Variants in PRR3 observed in about 807,000 individuals in gnomAD.
The protein encoded by PRR3 is proline rich 3.
PRR3 carries 16 observed loss-of-function variants against 22.4 expected under a neutral mutation model. The observed-to-expected ratio is 0.71, with a 90% CI of 0.48 to 1.09. The LOEUF is 1.09. Ranked by LOEUF, PRR3 falls within the 50% of genes least tolerant of loss-of-function variation. The pLI, the probability that PRR3 is intolerant of heterozygous loss-of-function variation, is 0.00. For synonymous variants in PRR3, 87 were observed against 88.6 expected, an observed-to-expected ratio of 0.98 and a Z score of 0.10; for missense variants, 224 against 243.4, an observed-to-expected ratio of 0.92 and a Z score of 0.53.
rs1472484315 is a variant in PRR3 at position 30,563,366 on chromosome 6, T to C, written c.*871T>C. On this transcript the variant is annotated 3_prime_UTR_variant, in exon 4 of 4. Transcript: ENST00000376560. ...TCTTATAAAGCCTCCAATGGCTTTA[T>C]CCTACCTAGATCCCTTCCAGCCCAT... is the stretch of plus-strand genomic sequence containing the variant. The C allele has an allele frequency of 6.6e-6, 1 of 152,648 alleles. No individual in the cohort carries two copies. Among genetic ancestry groups the C allele is most frequent in the Non-Finnish European group, 1.5e-5 (1 of 68,044 alleles). 9.5% of individuals were successfully genotyped at this position (152,648 alleles called of 1,614,324 possible). A position where few individuals can be genotyped will look rare whatever the true frequency, so the allele number is the denominator to read the frequency against.
In PRR3 at chr6:30,561,449, G is replaced by A; in HGVS notation, c.170-385G>A. On this transcript the variant is annotated intron_variant, in intron 2 of 3. Transcript: ENST00000376560. This position sits in a 1 kb window ranked among gnomAD's most constrained non-coding sequence, Gnocchi z 4.0. ...AATGAACTGCTGCTACAGGCAACCT[G>A]GATGAATCTCACAAACATGATGTTG... 1 of 499,222 alleles carries A rather than the reference G, an allele frequency of 2.0e-6. No homozygotes were observed. 30.9% of individuals were successfully genotyped at this position (499,222 alleles called of 1,614,324 possible). A position where few individuals can be genotyped will look rare whatever the true frequency, so the allele number is the denominator to read the frequency against.
At position 30,562,069 on chromosome 6, in the gene PRR3, C is replaced by T. The variant is rs182191070; in HGVS notation, c.405C>T (p.Ser135=). 4 of 1,611,432 alleles carry T rather than the reference C, an allele frequency of 2.5e-6. No individual in the cohort carries two copies. In the South Asian group the frequency reaches 3.3e-5, roughly 13 times the overall value. ...KEQRNPRRLK[S]WSLIKNTCPP... ...AGAGAAACCCTCGAAGGCTCAAAAG[C>T]TGGTCTCTTATCAAGAATACCTGCC... The change falls in exon 3 of 4, where the codon AGC becomes AGT. Residue 135 remains serine, a synonymous_variant. Coordinates refer to ENST00000376560, the MANE Select transcript of PRR3 (RefSeq NM_025263.4).
rs1443636218 is a variant in PRR3, at chr6:30,563,521, C to T, written c.*1026C>T. 6.6e-6 allele frequency: 1 copy of T among 152,618 alleles called. No homozygotes were observed. Among genetic ancestry groups the T allele is most frequent in the African/African-American group, 2.4e-5 (1 of 41,430 alleles). The allele number at this position is 152,618 out of a possible 1,614,324, so 9.5% of individuals were successfully genotyped here. A position where few individuals can be genotyped will look rare whatever the true frequency, so the allele number is the denominator to read the frequency against. ...TCTTCCAATCCTCTTCCCCTACATC[C>T]CTGGCACTGGTTGTTTTCTGTGAAA... On this transcript the variant is annotated 3_prime_UTR_variant, in exon 4 of 4. Transcript: ENST00000376560.
chr6:30,561,356 A>G lies in PRR3; in HGVS notation c.170-478A>G, dbSNP rs1285775127. The G allele has an allele frequency of 2.8e-5, 13 of 460,774 alleles. No individual in the cohort carries two copies. Among genetic ancestry groups the G allele is most frequent in the Admixed American group, 1.4e-4 (6 of 42,624 alleles). The allele number at this position is 460,774 out of a possible 1,614,324, so 28.5% of individuals were successfully genotyped here. A position where few individuals can be genotyped will look rare whatever the true frequency, so the allele number is the denominator to read the frequency against. On this transcript the variant is annotated intron_variant, in intron 2 of 3. Transcript: ENST00000376560. This position sits in a 1 kb window ranked among gnomAD's most constrained non-coding sequence, Gnocchi z 4.0. ...CAAACTGGATACCACCCACATGTCC[A>G]TCATCAGTAGAATGGATAAATAAAT...
At chr6:30,559,111 C>T (rs536882809) in intron 2 of PRR3, among the ~76,000 whole-genome samples, 12 of 152,208 alleles carry the variant, frequency 7.9e-5, no homozygotes, top group Non-Finnish European at 1.8e-4. Flanking sequence ...GGTACAGTGG[C>T]TCACGCCTGT....
At position 30,562,110 on chromosome 6, in the gene PRR3, C is replaced by T; in HGVS notation, c.446C>T (p.Pro149Leu). 1 of 1,585,872 alleles carries T rather than the reference C, an allele frequency of 6.3e-7. No individual in the cohort carries two copies. Among genetic ancestry groups the T allele is most frequent in the South Asian group, 1.2e-5 (1 of 86,576 alleles). The change falls in exon 3 of 4, where the codon CCC becomes CTC. Residue 149 changes from proline to leucine, a missense_variant. Coordinates refer to ENST00000376560, the MANE Select transcript of PRR3 (RefSeq NM_025263.4). ...IKNTCPPKDD[P>L]QVMEDKSDRP... ...AATACCTGCCCGCCCAAGGATGACC[C>T]CCAGGTTATGGAAGGTGAGGTCCAT...
chr6:30,556,723 G>A (rs552046089), upstream of PRR3: 409 of 376,880 alleles, frequency 1.1e-3, 1 homozygote, highest in Non-Finnish European at 1.7e-3. This position sits in a 1 kb window ranked among gnomAD's most constrained non-coding sequence, Gnocchi z 5.7. Context: ...CCGAGACTGC[G>A]TCCAGGTTGC....
chr6:30,557,136 T>G (rs1800285145), upstream of PRR3: 7 of 702,628 alleles, frequency 1.0e-5, no homozygotes, highest in Non-Finnish European at 1.6e-5. Flanking sequence ...AGGGAAGGTG[T>G]GAGGTTGCCG....
At chr6:30,556,768 G>C, upstream of PRR3, 1 of 434,756 alleles carries the variant, frequency 2.3e-6, no homozygotes, top group Non-Finnish European at 4.2e-6. This position sits in a 1 kb window ranked among gnomAD's most constrained non-coding sequence, Gnocchi z 5.7. Flanking sequence ...GAGGTCTTTA[G>C]GGGAGGGCGG....
chr6:30,560,372 T>G (rs1485888287), intron 2 of PRR3: 2 of 149,866 alleles, frequency 1.3e-5, no homozygotes, highest in Non-Finnish European at 3.0e-5. Context: ...AAACAAAAAA[T>G]AAAAATAAAG....
chr6:30,558,769 C>T (rs1800425272), intron 2 of PRR3, among the ~76,000 whole-genome samples: 1 of 152,038 alleles, frequency 6.6e-6, no homozygotes, highest in Non-Finnish European at 1.5e-5. Context: ...CCGAAGAGTC[C>T]AATAACAGGC....
At chr6:30,557,258 C>T, upstream of PRR3, 1 of 1,031,158 alleles carries the variant, frequency 9.7e-7, no homozygotes. Flanking sequence ...TTGCTGCCCA[C>T]CGACCCCCCG....
rs752686645 is a variant in PRR3, at chr6:30,561,346, C to T, written c.170-488C>T. On this transcript the variant is annotated intron_variant, in intron 2 of 3. Coordinates refer to ENST00000376560, the MANE Select transcript of PRR3 (RefSeq NM_025263.4). This position sits in a 1 kb window ranked among gnomAD's most constrained non-coding sequence, Gnocchi z 4.0. ...GTTATAGCCCCAAACTGGATACCACCCACATGTCCATCATCAGTAGAATGG... is the reference window on the plus strand; with the variant it reads ...GTTATAGCCCCAAACTGGATACCACTCACATGTCCATCATCAGTAGAATGG... The T allele has an allele frequency of 6.5e-6, 3 of 459,838 alleles. No homozygotes were observed. The highest frequency in any genetic ancestry group is 1.3e-5 in the Non-Finnish European group (3 of 229,560). 28.5% of individuals were successfully genotyped at this position (459,838 alleles called of 1,614,324 possible).
intron 1 of PRR3, 124 bp downstream of exon 1, chr6:30,557,574 G>A: frequency 1.5e-6 from 1 of 665,790 alleles, no homozygotes; most frequent in South Asian, 1.8e-5. Flanking sequence ...GCTGGGGAGG[G>A]ATGGAAGTGG....
At chr6:30,559,884 CAA>C (rs746977990) in intron 2 of PRR3, 2 of 151,450 alleles carry the variant, frequency 1.3e-5, no homozygotes, top group South Asian at 4.2e-4. Context: ...TTCACAATAA[CAA>C]AGAGGTGGAA....
rs940853713 is a variant in PRR3, at chr6:30,561,623, G to A, written c.170-211G>A. On this transcript the variant is annotated intron_variant, in intron 2 of 3. Coordinates refer to ENST00000376560, the MANE Select transcript of PRR3 (RefSeq NM_025263.4). The surrounding 1 kb of genome is among the most constrained non-coding windows in gnomAD (Gnocchi z 4.0). ...AATGGGAAAAGGGGCACAAGGGGAGGATCTTTTGAGGTGCTAATAAGGCTT... is the reference window on the plus strand; with the variant it reads ...AATGGGAAAAGGGGCACAAGGGGAGAATCTTTTGAGGTGCTAATAAGGCTT... 1.7e-6 allele frequency: 1 copy of A among 603,612 alleles called. No individual in the cohort carries two copies. The highest frequency in any genetic ancestry group is 3.0e-5 in the Admixed American group (1 of 32,910). The allele number at this position is 603,612 out of a possible 1,614,324, so 37.4% of individuals were successfully genotyped here. A position where few individuals can be genotyped will look rare whatever the true frequency, so the allele number is the denominator to read the frequency against.
intron 2 of PRR3, among the ~76,000 whole-genome samples, chr6:30,559,397 C>A (rs1800477321): frequency 6.6e-6 from 1 of 152,036 alleles, no homozygotes; most frequent in Non-Finnish European, 1.5e-5. Flanking sequence ...AAACAAAATA[C>A]AAACTTGCCA....
upstream of PRR3, chr6:30,556,952 C>A: frequency 1.6e-6 from 1 of 627,942 alleles, no homozygotes; most frequent in Admixed American, 2.5e-5. This position sits in a 1 kb window ranked among gnomAD's most constrained non-coding sequence, Gnocchi z 5.7. Flanking sequence ...GCAGCTGTTA[C>A]CATAGTAACC....
chr6:30,557,411 C>G lies in PRR3; in HGVS notation c.67C>G (p.Arg23Gly). The change falls in exon 1 of 4, where the codon CGG becomes GGG. Residue 23 changes from arginine to glycine, a missense_variant. Arg to Gly is a moderately radical substitution (Grantham distance 125). Coordinates refer to ENST00000376560, the MANE Select transcript of PRR3 (RefSeq NM_025263.4). ...PTQQQPPLPE[R>G]EETGDEEDGS... is the part of the protein sequence containing the mutation. ...ACAGCAGCAGCCCCCGCTGCCCGAG[C>G]GGGAAGAGACTGGAGATGAGGAGGA... is the stretch of plus-strand genomic sequence containing the variant. 6.2e-7 allele frequency: 1 copy of G among 1,612,398 alleles called. No homozygotes were observed. Among genetic ancestry groups the G allele is most frequent in the Non-Finnish European group, 8.5e-7 (1 of 1,179,844 alleles).
Sources: gnomAD v4.1 joint callset for allele counts (sites outside exome capture counted in the v4.1 genomes callset) on GRCh38, gnomAD v4.1.1 for gene constraint, Gnocchi (gnomAD v3.1) non-coding constraint, MANE v1.5 for transcripts, NCBI Gene and HGNC (gene_info 2026-07-23, HGNC 2026-07-21) for gene names.